SMAD2: variants seen among roughly 807,000 people sequenced by gnomAD.
SMAD2 encodes the protein SMAD family member 2, also known as MAD homolog 2.
In SMAD2, 8 loss-of-function variants were observed where a neutral mutation model predicts 64.4. The ratio of observed to expected loss-of-function variants is 0.12; its 90% CI spans 0.07 to 0.22. The LOEUF (loss-of-function observed/expected upper bound fraction) is 0.22, where lower values mean the gene tolerates loss of function less well. Among genes scored for constraint, SMAD2 ranks in the 10% least tolerant of loss-of-function variants. SMAD2 has a pLI of 1.00. For synonymous variants in SMAD2, 203 were observed against 195.8 expected, an observed-to-expected ratio of 1.04 and a Z score of -0.31; for missense variants, 289 against 561.2, an observed-to-expected ratio of 0.51 and a Z score of 4.90.
chr18:47,923,055 A>AT lies in SMAD2; in HGVS notation c.-54+7305dup, dbSNP rs11290334. ...GGACTGCTGTGTAAAGAGACTACTT[A>AT]TTTTTTTTTTTTTAACTAAGAGTTA... On this transcript the variant is annotated intron_variant, in intron 1 of 10. Transcript: ENST00000262160. 7.8e-4 allele frequency among the ~76,000 whole-genome samples: 115 copies of AT among 147,932 alleles called. 2 individuals carry two copies. In the Middle Eastern group the frequency reaches 0.011, roughly 14 times the overall value.
At chr18:47,916,267 A>G (rs929902388) in intron 1 of SMAD2, among the ~76,000 whole-genome samples, 2 of 152,142 alleles carry the variant, frequency 1.3e-5, no homozygotes, top group African/African-American at 4.8e-5. Context: ...CTTGCAAAAT[A>G]ATTTTTCTGT....
Position 47,835,187 on chromosome 18 carries a change from GA to G in SMAD2, c.*6639del. The G allele has an allele frequency of 4.5e-6, 1 of 220,854 alleles. No individual in the cohort carries two copies. Among genetic ancestry groups the G allele is most frequent in the Admixed American group, 5.8e-5 (1 of 17,362 alleles). The allele number at this position is 220,854 out of a possible 1,614,324, so 13.7% of individuals were successfully genotyped here. On this transcript the variant is annotated 3_prime_UTR_variant, in exon 11 of 11. Coordinates refer to ENST00000262160, the MANE Select transcript of SMAD2 (RefSeq NM_005901.6). ...AAATATGCCTTTCAAGTCAGGGTTG[GA>G]AAAGCAAAACTGAGGTGTGAGGTTA... is the stretch of plus-strand genomic sequence containing the variant.
chr18:47,889,437 T>TAA (rs999210542), intron 2 of SMAD2, among the ~76,000 whole-genome samples: 1 of 144,822 alleles, frequency 6.9e-6, no homozygotes, highest in African/African-American at 2.5e-5. Flanking sequence ...GTAAATACTT[T>TAA]AAAAAAAAAA....
At chr18:47,923,178 TAA>T (rs546528253) in intron 1 of SMAD2, among the ~76,000 whole-genome samples, 10 of 133,858 alleles carry the variant, frequency 7.5e-5, no homozygotes, top group African/African-American at 8.2e-5. Flanking sequence ...CCCAGATTAT[TAA>T]AAAAAAAAAA....
In SMAD2 at chr18:47,837,575, A is replaced by C. The variant is rs978078653; in HGVS notation, c.*4252T>G. 2 of 227,940 alleles carry C rather than the reference A, an allele frequency of 8.8e-6. No homozygotes were observed. Among genetic ancestry groups the C allele is most frequent in the South Asian group, 1.8e-4 (1 of 5,442 alleles). 14.1% of individuals were successfully genotyped at this position (227,940 alleles called of 1,614,324 possible). A position where few individuals can be genotyped will look rare whatever the true frequency, so the allele number is the denominator to read the frequency against. ...AGACTCCCTCTCAAAAAAAAAAAAA[A>C]AAAACAAAAAACAAGGCTAACAAGA... On this transcript the variant is annotated 3_prime_UTR_variant, in exon 11 of 11. Coordinates refer to ENST00000262160, the MANE Select transcript of SMAD2 (RefSeq NM_005901.6).
At chr18:47,876,316 A>C (rs1404025721) in intron 2 of SMAD2, among the ~76,000 whole-genome samples, 1 of 152,060 alleles carries the variant, frequency 6.6e-6, no homozygotes, top group Non-Finnish European at 1.5e-5. Flanking sequence ...CTGTTTACTA[A>C]CAAATTAATG....
At chr18:47,891,090 AG>A (rs1327913616) in intron 2 of SMAD2, among the ~76,000 whole-genome samples, 1 of 152,206 alleles carries the variant, frequency 6.6e-6, no homozygotes, top group East Asian at 1.9e-4. Flanking sequence ...GGGTCACCTG[AG>A]GTCAGGAGTT....
intron 1 of SMAD2, among the ~76,000 whole-genome samples, chr18:47,923,363 T>C (rs2034640730): frequency 6.6e-6 from 1 of 152,164 alleles, no homozygotes. Context: ...AAAAGCTCAA[T>C]TAAAGCAAAG....
chr18:47,929,454 T>C (rs980893676), intron 1 of SMAD2, among the ~76,000 whole-genome samples: 2 of 152,226 alleles, frequency 1.3e-5, no homozygotes, highest in African/African-American at 4.8e-5. Flanking sequence ...TCCAAGTTAT[T>C]TATTTATTAA....
Position 47,825,461 on chromosome 18 carries a change from T to C in SMAD2, c.*16366A>G, listed in dbSNP as rs1314129845. The C allele has an allele frequency of 1.3e-5, 2 of 152,246 alleles. No individual in the cohort carries two copies. Among genetic ancestry groups the C allele is most frequent in the Non-Finnish European group, 2.9e-5 (2 of 68,102 alleles). The allele number at this position is 152,246 out of a possible 1,614,324, so 9.4% of individuals were successfully genotyped here. ...GACTTGTTTGGTTGTTGTGAACAAG[T>C]GGGTTGTTTGCACGTCTGCTTCCCC... is the stretch of plus-strand genomic sequence containing the variant. On this transcript the variant is annotated 3_prime_UTR_variant, in exon 11 of 11. Coordinates refer to ENST00000262160, the MANE Select transcript of SMAD2 (RefSeq NM_005901.6).
At chr18:47,843,179 A>G (rs941751021) in intron 10 of SMAD2, among the ~76,000 whole-genome samples, 3 of 152,222 alleles carry the variant, frequency 2.0e-5, no homozygotes, top group Non-Finnish European at 4.4e-5. Context: ...CAAAAAGGCT[A>G]GAGGTGCCAG....
At position 47,810,007 on chromosome 18, in the gene SMAD2, A is replaced by G. The variant is rs569598282; in HGVS notation, c.*31820T>C. The G allele has an allele frequency of 5.3e-5, 8 of 152,302 alleles. No individual in the cohort carries two copies. The highest frequency in any genetic ancestry group is 1.4e-4 in the African/African-American group (6 of 41,570). The allele number at this position is 152,302 out of a possible 1,614,324, so 9.4% of individuals were successfully genotyped here. ...AAAGAGGGCTGATATCGTCTGTTAA[A>G]TGCTGTAATTACAGAGTTGAAACAC... On this transcript the variant is annotated 3_prime_UTR_variant, in exon 11 of 11. Coordinates refer to ENST00000262160, the MANE Select transcript of SMAD2 (RefSeq NM_005901.6).
intron 1 of SMAD2, 55 bp from the exon 2 acceptor site, chr18:47,896,864 A>G: frequency 6.8e-7 from 1 of 1,476,436 alleles, no homozygotes; most frequent in East Asian, 2.5e-5. Flanking sequence ...TCAAGTAATA[A>G]TTTCAACTTA....
chr18:47,871,478 G>A (rs577810205), intron 2 of SMAD2, among the ~76,000 whole-genome samples: 3 of 152,304 alleles, frequency 2.0e-5, no homozygotes, highest in Admixed American at 1.3e-4. Context: ...GGTGAGAAGC[G>A]CTGGCTTCCT....
At chr18:47,879,530 AGTC>A (rs2032466434) in intron 2 of SMAD2, among the ~76,000 whole-genome samples, 3 of 57,104 alleles carry the variant, frequency 5.3e-5, no homozygotes, top group South Asian at 7.5e-4. Context: ...GTGTGTGTGG[AGTC>A]GTTTTCCATT....
At position 47,864,411 on chromosome 18, in the gene SMAD2, A is replaced by C. The variant is rs528009615; in HGVS notation, c.730+648T>G. Reference sequence around the variant, plus strand: ...AGAAAGACTGATGGTATAATTTGTCAGGTTGTGATATTAAGGTGTCCAACA... The same window carrying C: ...AGAAAGACTGATGGTATAATTTGTCCGGTTGTGATATTAAGGTGTCCAACA... On this transcript the variant is annotated intron_variant, in intron 6 of 10. Transcript: ENST00000262160. 7.9e-5 allele frequency among the ~76,000 whole-genome samples: 12 copies of C among 152,308 alleles called. No individual in the cohort carries two copies. In the East Asian group the frequency reaches 2.3e-3, roughly 29 times the overall value.
chr18:47,927,804 C>G (rs1360315173), intron 1 of SMAD2, among the ~76,000 whole-genome samples: 1 of 152,204 alleles, frequency 6.6e-6, no homozygotes. Flanking sequence ...GAGGCTGAGG[C>G]AGGAGAAGCG....
intron 2 of SMAD2, among the ~76,000 whole-genome samples, chr18:47,883,583 T>G (rs375899140): frequency 8.5e-5 from 13 of 152,366 alleles, no homozygotes; most frequent in African/African-American, 2.9e-4. Context: ...AATTGTGGAT[T>G]TGTGATTCTG....
chr18:47,886,923 C>CAAA lies in SMAD2; in HGVS notation c.236+9595_236+9597dup, dbSNP rs11432634. On this transcript the variant is annotated intron_variant, in intron 2 of 10. Transcript: ENST00000262160. ...ATTTAACCAGTATCATGATTATATG[C>CAAA]AAAAAAAAAAAAAAAGAAAAGGCTT... 3.6e-3 allele frequency: 454 copies of CAAA among 126,446 alleles called. 3 individuals are homozygous for CAAA. The highest frequency in any genetic ancestry group is 8.6e-3 in the Middle Eastern group (2 of 232). The allele number at this position is 126,446 out of a possible 1,614,324, so 7.8% of individuals were successfully genotyped here. A position where few individuals can be genotyped will look rare whatever the true frequency, so the allele number is the denominator to read the frequency against.
Sources: gnomAD v4.1 joint callset for allele counts (sites outside exome capture counted in the v4.1 genomes callset) on GRCh38, gnomAD v4.1.1 for gene constraint, MANE v1.5 for transcripts, NCBI Gene and HGNC (gene_info 2026-07-23, HGNC 2026-07-21) for gene names.